The following TNS3 variants were observed in gnomAD, a reference collection of about 807,000 sequenced individuals.
TNS3 encodes tensin 3, also known as tensin-3.
In TNS3, 45 loss-of-function variants were observed where a neutral mutation model predicts 140.9. That is an observed-to-expected ratio of 0.32 (90% CI 0.25 to 0.41). The LOEUF (loss-of-function observed/expected upper bound fraction) is 0.41, where lower values mean the gene tolerates loss of function less well. TNS3 is among the 10% of genes least tolerant of loss of function. The probability of loss-of-function intolerance (pLI) is 1.00; values close to 1 mark genes in which losing one functional copy is unlikely to be tolerated. For missense variants in TNS3, 1,716 were observed against 1,906.7 expected (o/e 0.90, Z 1.86); for synonymous variants, 815 against 788.4 (o/e 1.03, Z -0.56).
Position 47,297,118 on chromosome 7 carries a change from T to C in TNS3, c.3640A>G (p.Thr1214Ala). 1 of 1,614,150 alleles carries C rather than the reference T, an allele frequency of 6.2e-7. No homozygotes were observed. The highest frequency in any genetic ancestry group is 1.6e-4 in the Middle Eastern group (1 of 6,062). ...AGCTGCAGGACTGAAGGTGGGGGCG[T>C]GGCCACCTTCATGGCCAGGCCATAG... Reference protein sequence around the residue: ...GAYGLAMKVATPPPSVLQLNK... With the variant: ...GAYGLAMKVAAPPPSVLQLNK... Residue 1214 changes from threonine to alanine, a missense_variant, in exon 24 of 31, where the codon ACG (threonine) becomes GCG (alanine). By Grantham distance (58) the Thr-to-Ala change is moderately conservative (BLOSUM62 0). This residue lies in a region of TNS3 where 216 missense variants were observed against 295.7 expected (regional missense o/e 0.73). Transcript: ENST00000311160.
intron 1 of TNS3, among the ~76,000 whole-genome samples, chr7:47,558,801 G>T (rs1398118669): frequency 1.3e-5 from 2 of 152,104 alleles, no homozygotes; most frequent in Non-Finnish European, 2.9e-5. Flanking sequence ...ACACCTGCAG[G>T]AAAACCCTGC....
At chr7:47,440,695 C>T (rs1040604202) in intron 5 of TNS3, among the ~76,000 whole-genome samples, 2 of 152,118 alleles carry the variant, frequency 1.3e-5, no homozygotes, top group African/African-American at 4.8e-5. Flanking sequence ...AGGGTGGTAT[C>T]CAGGAGGAGG....
intron 4 of TNS3, among the ~76,000 whole-genome samples, chr7:47,462,399 T>A (rs1796526717): frequency 6.6e-6 from 1 of 152,188 alleles, no homozygotes; most frequent in African/African-American, 2.4e-5. Context: ...CAAACAGGCA[T>A]AAGCCACTGC....
At chr7:47,557,215 G>A (rs949698259) in intron 1 of TNS3, 11 of 447,852 alleles carry the variant, frequency 2.5e-5, no homozygotes, top group Middle Eastern at 3.6e-4. Context: ...GTTTACAAGC[G>A]TCCTACGTAA....
intron 3 of TNS3, among the ~76,000 whole-genome samples, chr7:47,502,989 A>G (rs968936634): frequency 6.6e-6 from 1 of 152,190 alleles, no homozygotes; most frequent in Non-Finnish European, 1.5e-5. Flanking sequence ...ATTGGAGCCC[A>G]GGTGGTAGGA....
chr7:47,508,698 G>T (rs1292923877), intron 2 of TNS3, among the ~76,000 whole-genome samples: 1 of 152,206 alleles, frequency 6.6e-6, no homozygotes, highest in Admixed American at 6.5e-5. Flanking sequence ...GAATCAGCTG[G>T]GCTGTGTGAC....
chr7:47,527,154 G>A (rs1409149592), intron 2 of TNS3, among the ~76,000 whole-genome samples: 4 of 152,042 alleles, frequency 2.6e-5, no homozygotes, highest in Non-Finnish European at 1.5e-5. Flanking sequence ...GGAGAATGGC[G>A]TGAACCTGGG....
chr7:47,284,124 T>A (rs1785289759), intron 27 of TNS3, among the ~76,000 whole-genome samples: 1 of 152,210 alleles, frequency 6.6e-6, no homozygotes, highest in Admixed American at 6.5e-5. Context: ...CCGCCTGGTG[T>A]GGCTTTGCCT....
chr7:47,436,629 T>C (rs542338109), intron 7 of TNS3, among the ~76,000 whole-genome samples: 3 of 152,098 alleles, frequency 2.0e-5, no homozygotes, highest in African/African-American at 7.2e-5. Context: ...TTTTAAAAAA[T>C]GAAAATTATC....
intron 10 of TNS3, among the ~76,000 whole-genome samples, chr7:47,420,403 G>A (rs1794312718): frequency 6.6e-6 from 1 of 152,156 alleles, no homozygotes; most frequent in Non-Finnish European, 1.5e-5. Context: ...CAGGCTCCAG[G>A]GAGACACAAC....
chr7:47,276,324 A>C lies in TNS3; in HGVS notation c.*1752T>G, dbSNP rs188662623. On this transcript the variant is annotated 3_prime_UTR_variant, in exon 31 of 31. Transcript: ENST00000311160. ...CACACACGCATACACGCACGCATGC[A>C]CACACGCACACACACACAACACCCA... The C allele has an allele frequency of 1.3e-5, 2 of 154,912 alleles. No individual in the cohort carries two copies. Among genetic ancestry groups the C allele is most frequent in the Admixed American group, 6.4e-5 (1 of 15,564 alleles). The allele number at this position is 154,912 out of a possible 1,614,324, so 9.6% of individuals were successfully genotyped here. A position where few individuals can be genotyped will look rare whatever the true frequency, so the allele number is the denominator to read the frequency against.
At chr7:47,311,772 AT>A (rs1584374981) in intron 20 of TNS3, among the ~76,000 whole-genome samples, 2 of 152,326 alleles carry the variant, frequency 1.3e-5, no homozygotes, top group East Asian at 3.9e-4. Context: ...CATACTGAGA[AT>A]TTCCTAAAAG....
intron 3 of TNS3, among the ~76,000 whole-genome samples, chr7:47,502,646 C>G (rs1356317019): frequency 1.1e-4 from 17 of 152,206 alleles, no homozygotes; most frequent in Non-Finnish European, 2.4e-4. Flanking sequence ...TTAAAAAGAG[C>G]AGCAAGCCTA....
chr7:47,497,300 G>A (rs1198552931), intron 3 of TNS3, among the ~76,000 whole-genome samples: 1 of 152,156 alleles, frequency 6.6e-6, no homozygotes, highest in Admixed American at 6.5e-5. Context: ...GACATCTACA[G>A]TGATTCCTAA....
At chr7:47,570,620 C>A (rs1179635396) in intron 1 of TNS3, among the ~76,000 whole-genome samples, 1 of 152,204 alleles carries the variant, frequency 6.6e-6, no homozygotes, top group Non-Finnish European at 1.5e-5. Flanking sequence ...CCTCTCTCCT[C>A]GTAAGCAATC....
chr7:47,353,571 T>A (rs192545913), intron 17 of TNS3, among the ~76,000 whole-genome samples: 2 of 152,318 alleles, frequency 1.3e-5, no homozygotes, highest in East Asian at 3.9e-4. Flanking sequence ...AAGACACACA[T>A]GACTTTTACA....
intron 1 of TNS3, among the ~76,000 whole-genome samples, chr7:47,555,252 C>T (rs888341504): frequency 2.0e-5 from 3 of 149,488 alleles, no homozygotes; most frequent in African/African-American, 7.4e-5. Context: ...AATACCAAAA[C>T]TAGCCGGGTG....
chr7:47,576,445 G>C (rs956704473), intron 1 of TNS3, among the ~76,000 whole-genome samples: 1 of 152,212 alleles, frequency 6.6e-6, no homozygotes, highest in African/African-American at 2.4e-5. Flanking sequence ...TTCTGCCCCA[G>C]GTTTGTGGGA....
At chr7:47,404,943 A>G (rs1793362842) in intron 13 of TNS3, among the ~76,000 whole-genome samples, 1 of 152,186 alleles carries the variant, frequency 6.6e-6, no homozygotes. Flanking sequence ...GGACTGGACA[A>G]GTTGCTGGTG....
Sources: gnomAD v4.1 joint callset for allele counts (sites outside exome capture counted in the v4.1 genomes callset) on GRCh38, gnomAD v4.1.1 for gene constraint, gnomAD v4.1.1 regional missense constraint, MANE v1.5 for transcripts, NCBI Gene and HGNC (gene_info 2026-07-23, HGNC 2026-07-21) for gene names.